Variants in AUTS2 observed in about 807,000 individuals in gnomAD.
AUTS2 encodes the protein autism susceptibility gene 2 protein.
AUTS2 carries 17 observed loss-of-function variants against 112.4 expected under a neutral mutation model. The ratio of observed to expected loss-of-function variants is 0.15; its 90% CI spans 0.10 to 0.23. The LOEUF (loss-of-function observed/expected upper bound fraction) is 0.23. Ranked by LOEUF, AUTS2 falls within the 10% of genes least tolerant of loss-of-function variation. The pLI is 1.00. For missense variants in AUTS2, 1,510 were observed against 1,701.6 expected (o/e 0.89, Z 1.98); for synonymous variants, 751 against 702.7 (o/e 1.07, Z -1.09).
chr7:69,897,249 A>C (rs1342270117), intron 1 of AUTS2, among the ~76,000 whole-genome samples: 1 of 152,242 alleles, frequency 6.6e-6, no homozygotes, highest in Non-Finnish European at 1.5e-5. Flanking sequence ...TTTTGAGGCC[A>C]AGGCAAATCA....
At chr7:70,176,620 A>C (rs181223135) in intron 4 of AUTS2, among the ~76,000 whole-genome samples, 2 of 152,342 alleles carry the variant, frequency 1.3e-5, no homozygotes, top group African/African-American at 2.4e-5. Context: ...CAATGCAGTA[A>C]AATCTTTGTT....
chr7:70,315,173 A>T (rs537203919), intron 4 of AUTS2, among the ~76,000 whole-genome samples: 1 of 152,258 alleles, frequency 6.6e-6, no homozygotes, highest in African/African-American at 2.4e-5. Context: ...TCCACTTTGG[A>T]TCTCTCTCAT....
At chr7:69,997,739 C>A (rs1799011396) in intron 2 of AUTS2, among the ~76,000 whole-genome samples, 1 of 152,166 alleles carries the variant, frequency 6.6e-6, no homozygotes, top group African/African-American at 2.4e-5. Flanking sequence ...AACACCAAGC[C>A]ATTCATGAAG....
At chr7:70,767,468 C>T (rs868314671) in intron 9 of AUTS2, among the ~76,000 whole-genome samples, 1 of 152,102 alleles carries the variant, frequency 6.6e-6, no homozygotes, top group South Asian at 2.1e-4. Flanking sequence ...AGCTGTTTCA[C>T]AAATAAATTT....
chr7:70,017,553 C>T (rs1800083498), intron 2 of AUTS2, among the ~76,000 whole-genome samples: 1 of 152,170 alleles, frequency 6.6e-6, no homozygotes, highest in South Asian at 2.1e-4. Context: ...ACAAGAATTC[C>T]CATGTACAGG....
At chr7:69,995,077 C>G (rs1584543505) in intron 2 of AUTS2, among the ~76,000 whole-genome samples, 1 of 152,112 alleles carries the variant, frequency 6.6e-6, no homozygotes, top group East Asian at 1.9e-4. Context: ...ATTGGCATAC[C>G]TATCAGAGTC....
chr7:69,652,722 AAG>A (rs1002570222), intron 1 of AUTS2, among the ~76,000 whole-genome samples: 3 of 152,134 alleles, frequency 2.0e-5, no homozygotes, highest in African/African-American at 7.2e-5. Flanking sequence ...TTTTGAAAAA[AAG>A]GGGGAAAAGT....
At chr7:70,191,165 T>G (rs868138868) in intron 4 of AUTS2, among the ~76,000 whole-genome samples, 2 of 125,960 alleles carry the variant, frequency 1.6e-5, no homozygotes, top group African/African-American at 6.3e-5. Flanking sequence ...TTATTTCTTT[T>G]TTTTTTTTTT....
intron 1 of AUTS2, among the ~76,000 whole-genome samples, chr7:69,747,855 G>A (rs1021350941): frequency 8.6e-5 from 13 of 151,500 alleles, no homozygotes; most frequent in African/African-American, 2.4e-4. Flanking sequence ...AATTATTTGC[G>A]TACGTTTTAA....
chr7:70,676,074 A>C (rs1390443095), intron 5 of AUTS2, among the ~76,000 whole-genome samples: 1 of 152,212 alleles, frequency 6.6e-6, no homozygotes, highest in Non-Finnish European at 1.5e-5. Context: ...AGGAATGTAA[A>C]GTAAATGACA....
At chr7:69,724,291 A>G (rs1033277985) in intron 1 of AUTS2, among the ~76,000 whole-genome samples, 1 of 152,166 alleles carries the variant, frequency 6.6e-6, no homozygotes, top group Non-Finnish European at 1.5e-5. Flanking sequence ...ATTAGCTTTT[A>G]ATAACTATGT....
chr7:70,760,564 A>G (rs1789507012), intron 6 of AUTS2, among the ~76,000 whole-genome samples: 1 of 152,250 alleles, frequency 6.6e-6, no homozygotes, highest in Admixed American at 6.5e-5. Flanking sequence ...AAATCCTGTG[A>G]AAGAAAAATA....
intron 2 of AUTS2, among the ~76,000 whole-genome samples, chr7:69,926,554 T>C (rs559980737): frequency 6.6e-6 from 1 of 152,150 alleles, no homozygotes; most frequent in Admixed American, 6.6e-5. Flanking sequence ...TCTCTTTTAA[T>C]TGGAGTATTT....
intron 4 of AUTS2, among the ~76,000 whole-genome samples, chr7:70,166,624 A>G (rs938592339): frequency 7.2e-5 from 11 of 152,308 alleles, no homozygotes; most frequent in African/African-American, 2.6e-4. Context: ...GATAAAGTAC[A>G]AGATATAATT....
chr7:70,090,045 T>TAAA (rs1261150761), intron 2 of AUTS2, among the ~76,000 whole-genome samples: 3 of 150,096 alleles, frequency 2.0e-5, no homozygotes, highest in Admixed American at 6.6e-5. Context: ...AATAAATAAA[T>TAAA]TTAAAAATAA....
chr7:69,963,581 G>GA (rs1314112401), intron 2 of AUTS2, among the ~76,000 whole-genome samples: 1 of 152,158 alleles, frequency 6.6e-6, no homozygotes. Context: ...TTAGGAGGTT[G>GA]TGATGTAATT....
chr7:70,743,482 A>AT, intron 6 of AUTS2, among the ~76,000 whole-genome samples: 1 of 151,748 alleles, frequency 6.6e-6, no homozygotes, highest in African/African-American at 2.4e-5. Flanking sequence ...AAAAAAAAAA[A>AT]AAAAAAAAAA....
At chr7:69,741,524 G>A (rs1037370407) in intron 1 of AUTS2, among the ~76,000 whole-genome samples, 3 of 152,066 alleles carry the variant, frequency 2.0e-5, no homozygotes, top group African/African-American at 7.2e-5. Flanking sequence ...GGGCAATGTG[G>A]CGAAACCCTG....
At chr7:69,613,319 T>G (rs1243110638) in intron 1 of AUTS2, among the ~76,000 whole-genome samples, 1 of 152,220 alleles carries the variant, frequency 6.6e-6, no homozygotes, top group Non-Finnish European at 1.5e-5. Context: ...GGGAGAGTAC[T>G]TATTGTCCAG....
Sources: gnomAD v4.1 joint callset for allele counts (sites outside exome capture counted in the v4.1 genomes callset) on GRCh38, gnomAD v4.1.1 for gene constraint, MANE v1.5 for transcripts, NCBI Gene and HGNC (gene_info 2026-07-23, HGNC 2026-07-21) for gene names.